KCNK10: variants seen among roughly 807,000 people sequenced by gnomAD.
The protein encoded by KCNK10 is potassium channel subfamily K member 10.
A neutral mutation model predicts 47.7 loss-of-function variants in KCNK10; 25 were observed. The ratio of observed to expected loss-of-function variants is 0.52; its 90% CI spans 0.38 to 0.73. KCNK10 has a LOEUF of 0.73. Ranked by LOEUF, KCNK10 falls within the 30% of genes least tolerant of loss-of-function variation. The pLI is 0.00. For synonymous variants in KCNK10, 303 were observed against 285.6 expected, an observed-to-expected ratio of 1.06 and a Z score of -0.61; for missense variants, 563 against 714.5, an observed-to-expected ratio of 0.79 and a Z score of 2.42.
At position 88,180,119 on chromosome 14, in the gene KCNK10, A is replaced by G. The variant is rs1349190263; in HGVS notation, c.*5416T>C. ...GAAGAGACATTGGATTGGATCTTCC[A>G]GAAGGTCTTTGTTGCAATTTTTCTC... is the stretch of plus-strand genomic sequence containing the variant. On this transcript the variant is annotated 3_prime_UTR_variant, in exon 7 of 7. Coordinates refer to ENST00000319231, the MANE Select transcript of KCNK10 (RefSeq NM_138317.3). The G allele has an allele frequency of 5.2e-5, 8 of 152,496 alleles. No homozygotes were observed. In the East Asian group the frequency reaches 1.5e-3, roughly 29 times the overall value. The allele number at this position is 152,496 out of a possible 1,614,324, so 9.4% of individuals were successfully genotyped here. A position where few individuals can be genotyped will look rare whatever the true frequency, so the allele number is the denominator to read the frequency against.
At chr14:88,188,277 A>C (rs1319109537) in intron 5 of KCNK10, among the ~76,000 whole-genome samples, 168 bp from the exon 6 acceptor site, 1 of 152,176 alleles carries the variant, frequency 6.6e-6, no homozygotes, top group East Asian at 1.9e-4. Flanking sequence ...GGGGGTACCC[A>C]TCCCTTACCC....
chr14:88,186,281 G>C lies in KCNK10; in HGVS notation c.1012-126C>G. 2 of 1,163,812 alleles carry C rather than the reference G, an allele frequency of 1.7e-6. No individual in the cohort carries two copies. Among genetic ancestry groups the C allele is most frequent in the Non-Finnish European group, 1.2e-6 (1 of 847,914 alleles). The allele number at this position is 1,163,812 out of a possible 1,614,324, so 72.1% of individuals were successfully genotyped here. On this transcript the variant is annotated intron_variant, in intron 6 of 6. Coordinates refer to ENST00000319231, the MANE Select transcript of KCNK10 (RefSeq NM_138317.3). This position sits in a 1 kb window ranked among gnomAD's most constrained non-coding sequence, Gnocchi z 5.5. ...AGGTGACGGAGCACATGCCCAGGGG[G>C]AGGTGCAAATGCTACCTTCTGCCCT...
intron 4 of KCNK10, among the ~76,000 whole-genome samples, chr14:88,218,469 G>A (rs1367413002): frequency 2.0e-5 from 3 of 151,180 alleles, no homozygotes; most frequent in South Asian, 2.1e-4. Flanking sequence ...CTAGGGTAAT[G>A]TTTTATTATT....
At chr14:88,300,925 C>A (rs1888078876) in intron 1 of KCNK10, among the ~76,000 whole-genome samples, 1 of 152,162 alleles carries the variant, frequency 6.6e-6, no homozygotes, top group Non-Finnish European at 1.5e-5. Context: ...TTAAGGGGTT[C>A]TCTGTCTTCA....
chr14:88,304,795 T>TCACA (rs946504538), intron 1 of KCNK10, among the ~76,000 whole-genome samples: 1 of 152,036 alleles, frequency 6.6e-6, no homozygotes, highest in African/African-American at 2.4e-5. Context: ...CAGAAATGAG[T>TCACA]CACAGTGCTG....
At chr14:88,312,339 A>G (rs1224880134) in intron 1 of KCNK10, among the ~76,000 whole-genome samples, 1 of 152,222 alleles carries the variant, frequency 6.6e-6, no homozygotes, top group Non-Finnish European at 1.5e-5. Context: ...TACTCAAAAT[A>G]TGACAAGGAG....
chr14:88,301,228 G>A (rs73329867), intron 1 of KCNK10, among the ~76,000 whole-genome samples: 3,034 of 152,012 alleles, frequency 0.02, 111 homozygotes, highest in African/African-American at 0.07. Context: ...ACTCTTCCAG[G>A]TTCATAGTAA....
At chr14:88,315,197 T>A (rs542201340) in intron 1 of KCNK10, among the ~76,000 whole-genome samples, 5 of 152,306 alleles carry the variant, frequency 3.3e-5, no homozygotes, top group African/African-American at 1.2e-4. Flanking sequence ...AGATCTATCA[T>A]AATCACCTCC....
At chr14:88,195,333 G>C (rs565253373) in intron 4 of KCNK10, among the ~76,000 whole-genome samples, 1 of 152,296 alleles carries the variant, frequency 6.6e-6, no homozygotes, top group Admixed American at 6.5e-5. Context: ...TCATCGGATT[G>C]TTTGGAAGAT....
At chr14:88,314,078 A>G (rs982556288) in intron 1 of KCNK10, among the ~76,000 whole-genome samples, 1 of 152,228 alleles carries the variant, frequency 6.6e-6, no homozygotes, top group Admixed American at 6.5e-5. Flanking sequence ...CCCAAAAGAA[A>G]ACTAATGCTA....
At chr14:88,241,882 T>G (rs1304367906) in intron 2 of KCNK10, among the ~76,000 whole-genome samples, 2 of 152,136 alleles carry the variant, frequency 1.3e-5, no homozygotes, top group African/African-American at 4.8e-5. Context: ...GTGAAAAAAC[T>G]CCGTAGCAGT....
At chr14:88,228,734 C>G (rs1342006421) in intron 3 of KCNK10, among the ~76,000 whole-genome samples, 1 of 152,158 alleles carries the variant, frequency 6.6e-6, no homozygotes, top group South Asian at 2.1e-4. Context: ...AATGAGTCAC[C>G]TGGATACTTT....
At chr14:88,219,420 C>T (rs985489521) in intron 4 of KCNK10, among the ~76,000 whole-genome samples, 3 of 152,236 alleles carry the variant, frequency 2.0e-5, no homozygotes, top group Admixed American at 6.5e-5. Flanking sequence ...GTTTCCCCCA[C>T]CCTATCTAGC....
At chr14:88,202,230 T>C (rs1488179061) in intron 4 of KCNK10, among the ~76,000 whole-genome samples, 2 of 152,218 alleles carry the variant, frequency 1.3e-5, no homozygotes, top group Admixed American at 1.3e-4. Context: ...TTATCAATGA[T>C]ACTGCCATAG....
chr14:88,189,684 A>T (rs1162219976), intron 5 of KCNK10, among the ~76,000 whole-genome samples: 1 of 152,166 alleles, frequency 6.6e-6, no homozygotes, highest in Non-Finnish European at 1.5e-5. Flanking sequence ...GCTGCAAAAT[A>T]AATCAGCAAT....
rs1282587114 is a variant in KCNK10, at chr14:88,184,551, G to A, written c.*984C>T. The A allele has an allele frequency of 6.6e-6, 1 of 152,316 alleles. No individual in the cohort carries two copies. Among genetic ancestry groups the A allele is most frequent in the Non-Finnish European group, 1.5e-5 (1 of 68,036 alleles). The allele number at this position is 152,316 out of a possible 1,614,324, so 9.4% of individuals were successfully genotyped here. A position where few individuals can be genotyped will look rare whatever the true frequency, so the allele number is the denominator to read the frequency against. On this transcript the variant is annotated 3_prime_UTR_variant, in exon 7 of 7. Coordinates refer to ENST00000319231, the MANE Select transcript of KCNK10 (RefSeq NM_138317.3). ...GAAAGATGCCATGGTCCTCCTCAGT[G>A]TGTCTCAGAAATGCAGGATGTCTAC... is the stretch of plus-strand genomic sequence containing the variant.
At position 88,185,618 on chromosome 14, in the gene KCNK10, C is replaced by T. The variant is rs17762463; in HGVS notation, c.1549G>A (p.Ala517Thr). 395,727 of 1,613,932 alleles carry T rather than the reference C, an allele frequency of 0.25. 53,615 individuals are homozygous for T. Among genetic ancestry groups the T allele is most frequent in the Non-Finnish European group, 0.28 (329,384 of 1,179,936 alleles). ...GGTATCATTCCGTTCTCCAACTCAG[C>T]GTGCTGCTGGATACAGTCCGTCAGC... ...AMLTDCIQQH[A>T]ELENGMIPTD... Residue 517 changes from alanine to threonine, a missense_variant, in exon 7 of 7, where the codon GCT becomes ACT. Physicochemically the swap from Ala to Thr is moderately conservative, Grantham distance 58. Transcript: ENST00000319231. The surrounding 1 kb of genome is among the most constrained non-coding windows in gnomAD (Gnocchi z 4.3).
At position 88,276,956 on chromosome 14, in the gene KCNK10, G is replaced by A. The variant is rs142516940; in HGVS notation, c.53-13405C>T. On this transcript the variant is annotated intron_variant, in intron 1 of 6. Transcript: ENST00000319231. ...AAGATAGACGTGTACTTTACAAAAG[G>A]ATTTTCCATCGAAAGCATTTAAACA... Among the ~76,000 whole-genome samples the A allele has an allele frequency of 4.5e-3, 686 of 152,334 alleles. 5 individuals carry two copies. The highest frequency in any genetic ancestry group is 7.4e-3 in the Non-Finnish European group (505 of 68,034).
chr14:88,247,013 A>G (rs1421418943), intron 2 of KCNK10, among the ~76,000 whole-genome samples: 3 of 152,198 alleles, frequency 2.0e-5, no homozygotes, highest in African/African-American at 7.2e-5. Context: ...TGCTGCCCCC[A>G]AGGGACTCAT....
Sources: gnomAD v4.1 joint callset for allele counts (sites outside exome capture counted in the v4.1 genomes callset) on GRCh38, gnomAD v4.1.1 for gene constraint, Gnocchi (gnomAD v3.1) non-coding constraint, MANE v1.5 for transcripts, NCBI Gene and HGNC (gene_info 2026-07-23, HGNC 2026-07-21) for gene names.